CDAN1: variants seen among roughly 807,000 people sequenced by gnomAD.
The protein encoded by CDAN1 is codanin-1.
In CDAN1, 107 loss-of-function variants were observed where a neutral mutation model predicts 139.8. The observed-to-expected ratio is 0.77, with a 90% CI of 0.65 to 0.90. The LOEUF (loss-of-function observed/expected upper bound fraction) is 0.90, where lower values mean the gene tolerates loss of function less well. Ranked by LOEUF, CDAN1 falls within the 40% of genes least tolerant of loss-of-function variation. CDAN1 has a pLI of 0.00. For missense variants in CDAN1, 1,667 were observed against 1,575.7 expected, an observed-to-expected ratio of 1.06 and a Z score of -0.98; for synonymous variants, 776 against 660.6, an observed-to-expected ratio of 1.17 and a Z score of -2.68.
At chr15:42,733,021 C>T (rs1760661018) in intron 9 of CDAN1, 76 bp downstream of exon 9, 2 of 1,278,588 alleles carry the variant, frequency 1.6e-6, no homozygotes, top group African/African-American at 1.5e-5. Context: ...ACCTTCCCTC[C>T]TCCTCCCTCC....
chr15:42,736,589 G>T lies in CDAN1; in HGVS notation c.282C>A (p.Arg94=). 6.7e-7 allele frequency: 1 copy of T among 1,497,018 alleles called. No homozygotes were observed. Among genetic ancestry groups the T allele is most frequent in the Non-Finnish European group, 8.9e-7 (1 of 1,125,736 alleles). The allele number at this position is 1,497,018 out of a possible 1,614,324, so 92.7% of individuals were successfully genotyped here. Residue 94 remains arginine (R), a synonymous_variant, in exon 2 of 28, where the codon CGC becomes CGA. Coordinates refer to ENST00000356231, the MANE Select transcript of CDAN1 (RefSeq NM_138477.4). ...GAGGGAAAAGCTGGCTGCGCGCCCC[G>T]CGGCTACCCCGCGGCGGGCCTCCCG... is the stretch of plus-strand genomic sequence containing the variant. ...GRPGGPPRGS[R]GARSQLFPPT... is the part of the protein sequence containing the mutation.
At chr15:42,736,152 G>T (rs2061684031) in intron 2 of CDAN1, 74 bp from the exon 3 acceptor site, 1 of 1,570,546 alleles carries the variant, frequency 6.4e-7, no homozygotes, top group Non-Finnish European at 8.7e-7. Flanking sequence ...GCAACAGCTA[G>T]ACCTCTTGCC....
Position 42,725,572 on chromosome 15 carries a change from C to T in CDAN1, c.3367G>A (p.Glu1123Lys). ...AGCGGAACCGGCCCCTGAAAGTCTT[C>T]CTTCCACAAGGAAAGCAGCATGTGC... ...LLHMLLSLWK[E>K]DFQGPVPLQL... The change falls in exon 26 of 28, where the codon GAA becomes AAA. Residue 1123 changes from glutamate (E) to lysine (K), a missense_variant. Physicochemically the swap from Glu to Lys is moderately conservative, Grantham distance 56. Coordinates refer to ENST00000356231, the MANE Select transcript of CDAN1 (RefSeq NM_138477.4). 1.9e-6 allele frequency: 3 copies of T among 1,614,148 alleles called. No individual in the cohort carries two copies. Among genetic ancestry groups the T allele is most frequent in the Non-Finnish European group, 2.5e-6 (3 of 1,180,026 alleles).
Position 42,726,432 on chromosome 15 carries a change from G to A in CDAN1, c.3097-15C>T, listed in dbSNP as rs368678391. The A allele has an allele frequency of 3.6e-5, 56 of 1,567,892 alleles. 1 individual carries two copies. Among genetic ancestry groups the A allele is most frequent in the Non-Finnish European group, 3.5e-6 (4 of 1,153,150 alleles). ...GAGAGCACGTCCTGTGAAGAGCAGG[G>A]GGAGATATCACCTTGCGCTGGGGGC... is the stretch of plus-strand genomic sequence containing the variant. On this transcript the variant is annotated splice_polypyrimidine_tract_variant and intron_variant, in intron 23 of 27. Transcript: ENST00000356231.
At position 42,733,196 on chromosome 15, in the gene CDAN1, A is replaced by G. The variant is rs747567741; in HGVS notation, c.1368-10T>C. 3 of 1,612,772 alleles carry G rather than the reference A, an allele frequency of 1.9e-6. No individual in the cohort carries two copies. The African/African-American group carries it at 4.0e-5, about 22-fold the overall frequency. ...CTCATAAAACACATCCCTGACGCAT[A>G]AGAACGCCTGATCAGCCGAGGCACT... On this transcript the variant is annotated splice_polypyrimidine_tract_variant and intron_variant, in intron 8 of 27. Transcript: ENST00000356231.
Position 42,723,766 on chromosome 15 carries a change from G to GT in CDAN1, c.*724dup, listed in dbSNP as rs2061488841. ...CTGTTACCCAGACTGGAGTGCAGTG[G>GT]TGCGACCTCGGCTCACTGCAACCTC... On this transcript the variant is annotated 3_prime_UTR_variant, in exon 28 of 28. Transcript: ENST00000356231. 6.5e-6 allele frequency: 1 copy of GT among 153,948 alleles called. No homozygotes were observed. Among genetic ancestry groups the GT allele is most frequent in the African/African-American group, 2.4e-5 (1 of 41,442 alleles). The allele number at this position is 153,948 out of a possible 1,614,324, so 9.5% of individuals were successfully genotyped here. A position where few individuals can be genotyped will look rare whatever the true frequency, so the allele number is the denominator to read the frequency against.
At chr15:42,729,470 G>A in intron 17 of CDAN1, 98 bp downstream of exon 17, 2 of 1,598,430 alleles carry the variant, frequency 1.3e-6, no homozygotes, top group Non-Finnish European at 1.7e-6. Flanking sequence ...GAATGACTAT[G>A]AACGGAGCAA....
chr15:42,730,517 G>T (rs763403947), intron 14 of CDAN1, 81 bp downstream of exon 14: 41 of 1,522,330 alleles, frequency 2.7e-5, no homozygotes, highest in Middle Eastern at 1.7e-4. Context: ...CAGACTGCTC[G>T]ACCCTCTTTA....
chr15:42,736,515 C>A lies in CDAN1; in HGVS notation c.356G>T (p.Gly119Val), dbSNP rs2140513052. The A allele has an allele frequency of 1.4e-6, 2 of 1,413,036 alleles. No homozygotes were observed. Among genetic ancestry groups the A allele is most frequent in the Non-Finnish European group, 1.8e-6 (2 of 1,088,422 alleles). 87.5% of individuals were successfully genotyped at this position (1,413,036 alleles called of 1,614,324 possible). A position where few individuals can be genotyped will look rare whatever the true frequency, so the allele number is the denominator to read the frequency against. Residue 119 changes from glycine (G) to valine (V), a missense_variant, in exon 2 of 28, where the codon GGG becomes GTG. Physicochemically the swap from Gly to Val is moderately radical, Grantham distance 109. This residue lies in a region of CDAN1 where 487 missense variants were observed against 422.2 expected (regional missense o/e 1.15). Coordinates refer to ENST00000356231, the MANE Select transcript of CDAN1 (RefSeq NM_138477.4). ...TAAEAPLARR[G>V]GRRRGPGPAR... ...CGGCCCCGGGCCCCGCCTCCTGCCC[C>A]CGCGGCGGGCCAGAGGGGCCTCGGC...
At chr15:42,730,849 C>T in intron 13 of CDAN1, 76 bp downstream of exon 13, 3 of 1,612,804 alleles carry the variant, frequency 1.9e-6, no homozygotes, top group South Asian at 2.2e-5. Flanking sequence ...TCCAGAATAG[C>T]CAAGGAAACC....
intron 23 of CDAN1, chr15:42,727,345 C>T: frequency 2.5e-6 from 1 of 401,310 alleles, no homozygotes; most frequent in Non-Finnish European, 4.4e-6. Context: ...ACCGCACTCT[C>T]ATCACCATCT....
intron 10 of CDAN1, among the ~76,000 whole-genome samples, chr15:42,732,089 A>T (rs1229911380): frequency 6.6e-6 from 1 of 152,336 alleles, no homozygotes; most frequent in Admixed American, 6.5e-5. Context: ...TCTTTACCAC[A>T]GCACAAATCA....
intron 15 of CDAN1, 116 bp from the exon 16 acceptor site, chr15:42,730,001 T>G: frequency 3.3e-6 from 4 of 1,229,826 alleles, no homozygotes; most frequent in Non-Finnish European, 4.7e-6. Context: ...TCTGAGATGA[T>G]GGGAATCCCC....
rs973579091 is a variant in CDAN1, at chr15:42,730,901, C to T, written c.2007+24G>A. The T allele has an allele frequency of 3.7e-6, 6 of 1,614,014 alleles. No individual in the cohort carries two copies. In the African/African-American group the frequency reaches 8.0e-5, roughly 22 times the overall value. On this transcript the variant is annotated intron_variant, in intron 13 of 27. Coordinates refer to ENST00000356231, the MANE Select transcript of CDAN1 (RefSeq NM_138477.4). Reference sequence around the variant, plus strand: ...TGGCCGGTCCTCCCTGCTCCCTCCTCACCAGAATCCCCCGCCCATTCACCT... The same window carrying T: ...TGGCCGGTCCTCCCTGCTCCCTCCTTACCAGAATCCCCCGCCCATTCACCT...
Position 42,723,665 on chromosome 15 carries a change from A to C in CDAN1, c.*826T>G, listed in dbSNP as rs942785975. 1 of 152,342 alleles carries C rather than the reference A, an allele frequency of 6.6e-6. No individual in the cohort carries two copies. The highest frequency in any genetic ancestry group is 1.5e-5 in the Non-Finnish European group (1 of 68,130). 9.4% of individuals were successfully genotyped at this position (152,342 alleles called of 1,614,324 possible). On this transcript the variant is annotated 3_prime_UTR_variant, in exon 28 of 28. Coordinates refer to ENST00000356231, the MANE Select transcript of CDAN1 (RefSeq NM_138477.4). Reference sequence around the variant, plus strand: ...TACTACCTGCACAGGGGCTGAAGGTACAGGGGGAAAGTCAGGTTTCAGTTG... The same window carrying C: ...TACTACCTGCACAGGGGCTGAAGGTCCAGGGGGAAAGTCAGGTTTCAGTTG...
Position 42,734,066 on chromosome 15 carries a change from G to A in CDAN1, c.1258-19C>T, listed in dbSNP as rs755328547. 7 of 1,592,796 alleles carry A rather than the reference G, an allele frequency of 4.4e-6. No homozygotes were observed. The highest frequency in any genetic ancestry group is 1.7e-5 in the Admixed American group (1 of 59,962). On this transcript the variant is annotated intron_variant, in intron 7 of 27. Transcript: ENST00000356231. ...GAGAGACCTAAAATACAGCAGGAAC[G>A]TTAGGAACTGCAGGGTCATGCTGAG...
Position 42,735,271 on chromosome 15 carries a change from T to C in CDAN1, c.1047A>G (p.Pro349=). ...GGCTTGCTCACTGACCTAGGACAGCTGGACTTAGTTCAGGGTCGCTGTCCT... is the reference window on the plus strand; with the variant it reads ...GGCTTGCTCACTGACCTAGGACAGCCGGACTTAGTTCAGGGTCGCTGTCCT... ...TAKDSDPELS[P]AVLDSLESPL... is the part of the protein sequence containing the mutation. The change falls in exon 5 of 28, where the codon CCA becomes CCG. Residue 349 remains proline, a synonymous_variant. Transcript: ENST00000356231. 6.2e-7 allele frequency: 1 copy of C among 1,607,990 alleles called. No individual in the cohort carries two copies. Among genetic ancestry groups the C allele is most frequent in the Non-Finnish European group, 8.5e-7 (1 of 1,176,616 alleles).
At chr15:42,724,752 AACCTTGTCTGTTTGTTAGT>A in intron 27 of CDAN1, 136 bp from the exon 28 acceptor site, 1 of 1,121,182 alleles carries the variant, frequency 8.9e-7, no homozygotes. Flanking sequence ...ATGGACATGA[AACCTTGTCTGTTTGTTAGT>A]ACTCTGGGAG....
At chr15:42,734,771 C>T (rs560755112) in intron 6 of CDAN1, among the ~76,000 whole-genome samples, 8 of 146,410 alleles carry the variant, frequency 5.5e-5, no homozygotes, top group Non-Finnish European at 1.2e-4. Context: ...CACTCCCCCA[C>T]ACCCGGCCTT....
Sources: gnomAD v4.1 joint callset for allele counts (sites outside exome capture counted in the v4.1 genomes callset) on GRCh38, gnomAD v4.1.1 for gene constraint, gnomAD v4.1.1 regional missense constraint, MANE v1.5 for transcripts, NCBI Gene and HGNC (gene_info 2026-07-23, HGNC 2026-07-21) for gene names.